Variants in PIGU observed in about 807,000 individuals in gnomAD.
The protein encoded by PIGU is GPI-anchor transamidase component PIGU.
In PIGU, 24 loss-of-function variants were observed where a neutral mutation model predicts 49.9. That is an observed-to-expected ratio of 0.48 (90% CI 0.35 to 0.68). The LOEUF (loss-of-function observed/expected upper bound fraction) is 0.68, where lower values mean the gene tolerates loss of function less well. Ranked by LOEUF, PIGU falls within the 30% of genes least tolerant of loss-of-function variation. The pLI is 0.01. For synonymous variants in PIGU, 220 were observed against 205.7 expected, an observed-to-expected ratio of 1.07 and a Z score of -0.59; for missense variants, 490 against 532.6, an observed-to-expected ratio of 0.92 and a Z score of 0.79.
intron 11 of PIGU, among the ~76,000 whole-genome samples, chr20:34,570,496 C>T (rs924892837): frequency 6.6e-6 from 1 of 152,136 alleles, no homozygotes; most frequent in African/African-American, 2.4e-5. Flanking sequence ...CTCACTGCAG[C>T]CTCCACCTTC....
At chr20:34,576,215 A>G (rs1170478791) in intron 10 of PIGU, among the ~76,000 whole-genome samples, 1 of 152,172 alleles carries the variant, frequency 6.6e-6, no homozygotes, top group Non-Finnish European at 1.5e-5. Flanking sequence ...TCTCTAAAAA[A>G]ATTTTAAAAT....
chr20:34,623,210 G>T (rs1419778515), intron 6 of PIGU, among the ~76,000 whole-genome samples: 1 of 151,558 alleles, frequency 6.6e-6, no homozygotes, highest in Non-Finnish European at 1.5e-5. Flanking sequence ...AAGGGCTCAG[G>T]TCCCACAGGA....
chr20:34,574,145 C>T (rs958463324), intron 11 of PIGU, among the ~76,000 whole-genome samples: 4 of 152,202 alleles, frequency 2.6e-5, no homozygotes, highest in Admixed American at 6.5e-5. Flanking sequence ...ACTTCCACTA[C>T]GAGGCCAGAG....
intron 11 of PIGU, chr20:34,562,651 A>G (rs1432384283): frequency 3.0e-5 from 31 of 1,041,346 alleles, no homozygotes; most frequent in Non-Finnish European, 3.8e-5. Flanking sequence ...CTACACCTGG[A>G]GCACTGGACT....
At chr20:34,585,713 T>C (rs1983673419) in intron 8 of PIGU, 133 bp from the exon 9 acceptor site, 3 of 929,464 alleles carry the variant, frequency 3.2e-6, no homozygotes, top group African/African-American at 1.7e-5. Context: ...GAGATCAGGA[T>C]GGGAAGGGCT....
intron 7 of PIGU, among the ~76,000 whole-genome samples, chr20:34,605,092 C>T (rs1331073683): frequency 1.3e-5 from 2 of 152,170 alleles, no homozygotes; most frequent in African/African-American, 4.8e-5. Context: ...ACTGGAGCCT[C>T]CTGCCCCTGA....
intron 10 of PIGU, among the ~76,000 whole-genome samples, 167 bp downstream of exon 10, chr20:34,581,381 A>G (rs1983454298): frequency 6.6e-6 from 1 of 152,182 alleles, no homozygotes; most frequent in Admixed American, 6.5e-5. Context: ...TTATCATCAC[A>G]AGTCCGCGGC....
At chr20:34,644,143 C>T in intron 4 of PIGU, 21 bp downstream of exon 4, 3 of 1,587,460 alleles carry the variant, frequency 1.9e-6, no homozygotes. Context: ...ACCAGCTTTG[C>T]TCCACCCACA....
At chr20:34,589,649 C>CTTTTTTTTT (rs34119895) in intron 7 of PIGU, among the ~76,000 whole-genome samples, 2 of 53,694 alleles carry the variant, frequency 3.7e-5, no homozygotes, top group African/African-American at 7.8e-5. Context: ...CTGCACCTGG[C>CTTTTTTTTT]TTTTTTTTTT....
intron 10 of PIGU, 135 bp from the exon 11 acceptor site, chr20:34,575,381 T>C (rs1983183949): frequency 9.4e-7 from 1 of 1,059,250 alleles, no homozygotes; most frequent in Non-Finnish European, 1.3e-6. Context: ...CCAGAGGTAC[T>C]GGGGTGCCAA....
chr20:34,615,718 G>A (rs766401536), intron 7 of PIGU, among the ~76,000 whole-genome samples: 5 of 152,070 alleles, frequency 3.3e-5, no homozygotes, highest in Admixed American at 6.6e-5. Flanking sequence ...ATCCCTGCCT[G>A]TTAGTCACTT....
intron 2 of PIGU, 149 bp downstream of exon 2, chr20:34,657,031 A>T: frequency 3.1e-6 from 2 of 635,356 alleles, no homozygotes; most frequent in Non-Finnish European, 5.5e-6. Flanking sequence ...CCTCTTTCTT[A>T]TGCAGAGGAC....
At chr20:34,658,730 T>G (rs1172691884) in intron 1 of PIGU, among the ~76,000 whole-genome samples, 5 of 147,916 alleles carry the variant, frequency 3.4e-5, no homozygotes, top group African/African-American at 1.3e-4. Context: ...CCGCCCCGTC[T>G]GAGAAGTGAG....
intron 7 of PIGU, among the ~76,000 whole-genome samples, chr20:34,602,753 G>A (rs1416442744): frequency 6.6e-6 from 1 of 152,116 alleles, no homozygotes; most frequent in African/African-American, 2.4e-5. Flanking sequence ...ATGATTGTAA[G>A]GTGAACATCC....
Position 34,637,869 on chromosome 20 carries a change from T to C in PIGU, c.428+7A>G. 1.2e-6 allele frequency: 2 copies of C among 1,607,902 alleles called. No individual in the cohort carries two copies. Among genetic ancestry groups the C allele is most frequent in the Non-Finnish European group, 1.7e-6 (2 of 1,178,048 alleles). ...GCACTAAGCCTGTTTTGTCAGGGAA[T>C]ACTTACAACAGGGCCACTTTCAAAG... is the stretch of plus-strand genomic sequence containing the variant. On this transcript the variant is annotated splice_region_variant and intron_variant, in intron 5 of 11. Transcript: ENST00000217446.
chr20:34,673,198 G>A (rs896259082), intron 1 of PIGU, among the ~76,000 whole-genome samples: 2 of 145,974 alleles, frequency 1.4e-5, no homozygotes, highest in African/African-American at 5.1e-5. Context: ...AGCTTGCAGT[G>A]AGCTGAGATT....
At chr20:34,598,820 G>A (rs939750907) in intron 7 of PIGU, among the ~76,000 whole-genome samples, 4 of 152,212 alleles carry the variant, frequency 2.6e-5, no homozygotes, top group African/African-American at 9.6e-5. Flanking sequence ...TACAGGCCCT[G>A]CTAGATTCAT....
rs999457326 is a variant in PIGU at position 34,668,630 on chromosome 20, G to A, written c.130+8326C>T. On this transcript the variant is annotated intron_variant, in intron 1 of 11. Coordinates refer to ENST00000217446, the MANE Select transcript of PIGU (RefSeq NM_080476.5). Reference sequence around the variant, plus strand: ...TAAAAATATAAGAAATTAGCCAGGCGAGGTGGCGGGCACCTGTAGTCCCAG... The same window carrying A: ...TAAAAATATAAGAAATTAGCCAGGCAAGGTGGCGGGCACCTGTAGTCCCAG... Among the ~76,000 whole-genome samples, 10 of 147,796 alleles carry A rather than the reference G, an allele frequency of 6.8e-5. No homozygotes were observed. In the South Asian group the frequency reaches 1.5e-3, roughly 22 times the overall value.
intron 4 of PIGU, among the ~76,000 whole-genome samples, chr20:34,639,732 C>G (rs1227704852): frequency 6.6e-6 from 1 of 152,120 alleles, no homozygotes; most frequent in African/African-American, 2.4e-5. Flanking sequence ...ATCTGAAAAC[C>G]TGCAACAAAC....
Sources: allele counts gnomAD v4.1 joint callset (sites outside exome capture counted in the v4.1 genomes callset), GRCh38; gene constraint gnomAD v4.1.1; transcripts MANE v1.5; gene names NCBI Gene and HGNC (gene_info 2026-07-23, HGNC 2026-07-21).